Variants in LINGO2 observed in about 807,000 individuals in gnomAD.
The protein encoded by LINGO2 is leucine-rich repeat and immunoglobulin-like domain-containing nogo receptor-interacting protein 2.
In LINGO2, 14 loss-of-function variants were observed where a neutral mutation model predicts 30.6. The observed-to-expected ratio is 0.46, with a 90% CI of 0.30 to 0.72. The LOEUF (loss-of-function observed/expected upper bound fraction) is 0.72. Among genes scored for constraint, LINGO2 ranks in the 30% least tolerant of loss-of-function variants. The pLI, the probability that LINGO2 is intolerant of heterozygous loss-of-function variation, is 0.07. For missense variants in LINGO2, 729 were observed against 751.7 expected, an observed-to-expected ratio of 0.97 and a Z score of 0.35; for synonymous variants, 317 against 288.5, an observed-to-expected ratio of 1.10 and a Z score of -1.00.
At chr9:28,768,035 G>T in the LINGO2 span, among the ~76,000 whole-genome samples, 2 of 152,104 alleles carry the variant, frequency 1.3e-5, no homozygotes, top group African/African-American at 4.8e-5. Flanking sequence ...TTGGAGGTGC[G>T]AAATAGTGGT....
At chr9:27,944,849 G>A (rs528291895), downstream of LINGO2, among the ~76,000 whole-genome samples, 169 of 152,206 alleles carry the variant, frequency 1.1e-3, no homozygotes, top group African/African-American at 3.9e-3. Flanking sequence ...AGATATAGGT[G>A]ACTGGGTCAT....
chr9:28,874,459 A>G, the LINGO2 span, among the ~76,000 whole-genome samples: 1 of 152,108 alleles, frequency 6.6e-6, no homozygotes, highest in Non-Finnish European at 1.5e-5. Context: ...AGTGTATTAC[A>G]TGTATTATTT....
the LINGO2 span, among the ~76,000 whole-genome samples, chr9:28,742,608 T>C: frequency 6.6e-6 from 1 of 152,000 alleles, no homozygotes; most frequent in African/African-American, 2.4e-5. Flanking sequence ...ACTAAATCTA[T>C]ATCTGTTAAT....
At chr9:28,440,498 C>T (rs1824148774) in intron 2 of LINGO2, among the ~76,000 whole-genome samples, 1 of 152,118 alleles carries the variant, frequency 6.6e-6, no homozygotes, top group East Asian at 1.9e-4. Context: ...CTGATATTAA[C>T]ATACTATTGG....
the LINGO2 span, among the ~76,000 whole-genome samples, chr9:29,203,808 A>G: frequency 6.6e-6 from 1 of 152,226 alleles, no homozygotes; most frequent in Non-Finnish European, 1.5e-5. Context: ...TGTGCAACAT[A>G]GCTTCCTATT....
At chr9:28,479,810 A>G (rs1825864665) in intron 1 of LINGO2, among the ~76,000 whole-genome samples, 1 of 147,490 alleles carries the variant, frequency 6.8e-6, no homozygotes, top group African/African-American at 2.5e-5. Flanking sequence ...TAAGTACCAT[A>G]CTGAAGAATG....
the LINGO2 span, among the ~76,000 whole-genome samples, chr9:29,043,305 C>T: frequency 2.0e-5 from 3 of 151,866 alleles, no homozygotes. Context: ...GCTCCATTTC[C>T]ATTATCTGCT....
intron 4 of LINGO2, among the ~76,000 whole-genome samples, chr9:28,123,825 G>A (rs1827166123): frequency 6.6e-6 from 1 of 151,762 alleles, no homozygotes; most frequent in Non-Finnish European, 1.5e-5. Context: ...CACCACTCCT[G>A]GCTAATTTTT....
intron 1 of LINGO2, among the ~76,000 whole-genome samples, chr9:28,618,779 C>T (rs1191446565): frequency 6.6e-6 from 1 of 152,058 alleles, no homozygotes; most frequent in African/African-American, 2.4e-5. Context: ...ATAATATAAA[C>T]TTGTATTATT....
intron 4 of LINGO2, among the ~76,000 whole-genome samples, chr9:28,198,173 A>C (rs1242574093): frequency 6.6e-6 from 1 of 151,954 alleles, no homozygotes; most frequent in Non-Finnish European, 1.5e-5. Context: ...AAAAAACTAA[A>C]TGTCCATCAA....
the LINGO2 span, among the ~76,000 whole-genome samples, chr9:28,933,780 C>G: frequency 6.6e-6 from 1 of 152,162 alleles, no homozygotes; most frequent in Non-Finnish European, 1.5e-5. Flanking sequence ...GCTTGTCCAG[C>G]TTTGGACTGG....
intron 1 of LINGO2, among the ~76,000 whole-genome samples, chr9:28,613,936 C>A: frequency 6.8e-6 from 1 of 147,902 alleles, no homozygotes; most frequent in South Asian, 2.2e-4. Flanking sequence ...AATTCCATAT[C>A]GTTTTTCATA....
chr9:28,902,899 G>A, the LINGO2 span, among the ~76,000 whole-genome samples: 1 of 151,602 alleles, frequency 6.6e-6, no homozygotes, highest in African/African-American at 2.4e-5. Flanking sequence ...TAAGTTTATT[G>A]CGATAAACAC....
chr9:28,070,714 G>A (rs1392301574), intron 4 of LINGO2, among the ~76,000 whole-genome samples: 4 of 146,884 alleles, frequency 2.7e-5, no homozygotes, highest in Non-Finnish European at 5.9e-5. Context: ...ATTTTGTTTT[G>A]TTCTGTTTGT....
chr9:28,224,961 C>T (rs182786165), intron 4 of LINGO2, among the ~76,000 whole-genome samples: 79 of 152,070 alleles, frequency 5.2e-4, no homozygotes, highest in African/African-American at 1.9e-3. Flanking sequence ...AGAAATAAAA[C>T]CACACATTTG....
the LINGO2 span, among the ~76,000 whole-genome samples, chr9:29,171,556 T>C: frequency 3.3e-5 from 5 of 151,884 alleles, no homozygotes; most frequent in Non-Finnish European, 7.4e-5. Context: ...ATATATGGTA[T>C]ATATAATATT....
intron 4 of LINGO2, among the ~76,000 whole-genome samples, chr9:28,215,731 G>A (rs1226195417): frequency 1.3e-5 from 2 of 151,710 alleles, no homozygotes; most frequent in Admixed American, 6.6e-5. Flanking sequence ...CATAAAATAC[G>A]CGGGACCAGA....
intron 1 of LINGO2, among the ~76,000 whole-genome samples, chr9:28,514,363 T>C (rs943471537): frequency 6.6e-6 from 1 of 152,204 alleles, no homozygotes. Flanking sequence ...AAAGCTAAGA[T>C]AGGCTGAAAA....
chr9:28,996,591 C>A, the LINGO2 span, among the ~76,000 whole-genome samples: 1 of 152,082 alleles, frequency 6.6e-6, no homozygotes, highest in African/African-American at 2.4e-5. Context: ...ACTTTTCAAG[C>A]CAAGGTATAT....
Sources: gnomAD v4.1 joint callset for allele counts (sites outside exome capture counted in the v4.1 genomes callset) on GRCh38, gnomAD v4.1.1 for gene constraint, MANE v1.5 for transcripts, NCBI Gene and HGNC (gene_info 2026-07-23, HGNC 2026-07-21) for gene names.